Variants in CTNNA3 observed in about 807,000 individuals in gnomAD.
CTNNA3 encodes the protein catenin alpha 3, also known as catenin alpha-3.
A neutral mutation model predicts 95.7 loss-of-function variants in CTNNA3; 76 were observed. The ratio of observed to expected loss-of-function variants is 0.79; its 90% CI spans 0.66 to 0.96. The LOEUF is 0.96. Ranked by LOEUF, CTNNA3 falls within the 40% of genes least tolerant of loss-of-function variation. The pLI is 0.00. For missense variants in CTNNA3, 1,191 were observed against 1,089.8 expected (o/e 1.09, Z -1.31); for synonymous variants, 431 against 374.4 (o/e 1.15, Z -1.74).
chr10:67,369,952 G>T (rs1006409233), intron 5 of CTNNA3, among the ~76,000 whole-genome samples: 8 of 152,092 alleles, frequency 5.3e-5, no homozygotes, highest in Admixed American at 5.2e-4. Context: ...TCACTTCTGA[G>T]AATTTATCCT....
intron 9 of CTNNA3, among the ~76,000 whole-genome samples, chr10:66,663,388 G>T (rs1846330041): frequency 6.7e-6 from 1 of 150,020 alleles, no homozygotes; most frequent in African/African-American, 2.5e-5. Context: ...CTCCAAATTT[G>T]TCCAGGATAT....
At chr10:66,818,658 A>C (rs1447035446) in intron 7 of CTNNA3, among the ~76,000 whole-genome samples, 1 of 152,222 alleles carries the variant, frequency 6.6e-6, no homozygotes, top group African/African-American at 2.4e-5. Flanking sequence ...TAATATTCTC[A>C]TGATGTCAAC....
At chr10:67,130,512 A>C (rs957905992) in intron 7 of CTNNA3, among the ~76,000 whole-genome samples, 4 of 152,144 alleles carry the variant, frequency 2.6e-5, no homozygotes, top group African/African-American at 9.7e-5. Flanking sequence ...CCAGATCATA[A>C]TTCCCAAAAT....
intron 15 of CTNNA3, among the ~76,000 whole-genome samples, chr10:66,039,284 A>G (rs2079632545): frequency 6.6e-6 from 1 of 152,236 alleles, no homozygotes; most frequent in Non-Finnish European, 1.5e-5. Context: ...ACTAGGAAGA[A>G]TCAATATTGT....
intron 11 of CTNNA3, among the ~76,000 whole-genome samples, chr10:66,441,241 G>A (rs2131787150): frequency 6.6e-6 from 1 of 152,228 alleles, no homozygotes; most frequent in East Asian, 1.9e-4. Context: ...GGTGCTTGCT[G>A]TCTAATACAA....
chr10:66,052,775 G>C (rs1196033152), intron 15 of CTNNA3, among the ~76,000 whole-genome samples: 1 of 152,008 alleles, frequency 6.6e-6, no homozygotes, highest in African/African-American at 2.4e-5. Flanking sequence ...ATTTTCATGA[G>C]AGAGTAGTTA....
chr10:66,936,342 G>C (rs184696730), intron 7 of CTNNA3, among the ~76,000 whole-genome samples: 3 of 152,004 alleles, frequency 2.0e-5, no homozygotes, highest in Non-Finnish European at 4.4e-5. Flanking sequence ...CCAAATGATG[G>C]AGATCCTGTA....
intron 13 of CTNNA3, among the ~76,000 whole-genome samples, chr10:66,222,331 G>C (rs1208424949): frequency 6.6e-6 from 1 of 152,092 alleles, no homozygotes; most frequent in Non-Finnish European, 1.5e-5. Flanking sequence ...AGTGTAGAAA[G>C]GGCCATTGCT....
At chr10:67,706,505 C>A (rs762675105) in intron 1 of CTNNA3, among the ~76,000 whole-genome samples, 1 of 152,060 alleles carries the variant, frequency 6.6e-6, no homozygotes, top group Non-Finnish European at 1.5e-5. Flanking sequence ...ACAAGGCCAA[C>A]TACTTCCTCT....
chr10:67,719,336 TG>T (rs1311411680), intron 1 of CTNNA3, among the ~76,000 whole-genome samples: 6 of 152,062 alleles, frequency 3.9e-5, no homozygotes, highest in Non-Finnish European at 8.8e-5. Flanking sequence ...TCTTGTCTTC[TG>T]CTAGCTTTTG....
chr10:66,031,690 C>T (rs2079452052), intron 15 of CTNNA3, among the ~76,000 whole-genome samples: 1 of 152,278 alleles, frequency 6.6e-6, no homozygotes, highest in East Asian at 1.9e-4. Context: ...AACATATCTG[C>T]ACATGTCCTG....
chr10:66,315,132 CT>C (rs553867206), intron 12 of CTNNA3, among the ~76,000 whole-genome samples: 16 of 151,246 alleles, frequency 1.1e-4, no homozygotes, highest in Middle Eastern at 3.4e-3. Flanking sequence ...CTTATTGCTC[CT>C]TTTTTTTTCT....
intron 9 of CTNNA3, among the ~76,000 whole-genome samples, chr10:66,687,734 T>TACACACACAC (rs56196721): frequency 6.7e-6 from 1 of 148,826 alleles, no homozygotes; most frequent in South Asian, 2.1e-4. Context: ...CACACACACA[T>TACACACACAC]ACACACACAC....
At chr10:65,928,385 G>C (rs888231032) in intron 17 of CTNNA3, among the ~76,000 whole-genome samples, 1 of 152,074 alleles carries the variant, frequency 6.6e-6, no homozygotes, top group African/African-American at 2.4e-5. Context: ...CTTTCTCAGG[G>C]AAGAGTTCCA....
At chr10:67,068,633 A>G (rs892301302) in intron 7 of CTNNA3, among the ~76,000 whole-genome samples, 1 of 152,198 alleles carries the variant, frequency 6.6e-6, no homozygotes, top group Admixed American at 6.5e-5. Flanking sequence ...AGAAAATGAG[A>G]GTGACATCAG....
In CTNNA3 at chr10:66,290,142, T is replaced by G. The variant is rs377120120; in HGVS notation, c.1733-9521A>C. 2.5e-4 allele frequency among the ~76,000 whole-genome samples: 38 copies of G among 152,078 alleles called. No homozygotes were observed. In the South Asian group the frequency reaches 5.6e-3, roughly 22 times the overall value. ...GTGGATAGATGCATAGATAATACGA[T>G]GTGTGAATAAAGAGAAGTAGAGATT... On this transcript the variant is annotated intron_variant, in intron 12 of 17. Coordinates refer to ENST00000433211, the MANE Select transcript of CTNNA3 (RefSeq NM_013266.4).
intron 11 of CTNNA3, among the ~76,000 whole-genome samples, chr10:66,397,057 T>C (rs2092983836): frequency 6.6e-6 from 1 of 151,742 alleles, no homozygotes; most frequent in Admixed American, 6.6e-5. Flanking sequence ...TATATTTATT[T>C]CTCTACAATA....
intron 4 of CTNNA3, among the ~76,000 whole-genome samples, chr10:67,529,244 G>A (rs1840244295): frequency 6.6e-6 from 1 of 151,988 alleles, no homozygotes; most frequent in African/African-American, 2.4e-5. Context: ...ATAATAGAAA[G>A]ACCATAGTTA....
chr10:66,711,259 A>AG (rs67689783), intron 9 of CTNNA3, among the ~76,000 whole-genome samples: 1 of 2,904 alleles, frequency 3.4e-4, no homozygotes, highest in Non-Finnish European at 5.7e-4. Context: ...AACAAGAAAC[A>AG]AAAAAAAAAA....
Sources: gnomAD v4.1 joint callset for allele counts (sites outside exome capture counted in the v4.1 genomes callset) on GRCh38, gnomAD v4.1.1 for gene constraint, MANE v1.5 for transcripts, NCBI Gene and HGNC (gene_info 2026-07-23, HGNC 2026-07-21) for gene names.